The following SUGCT variants were observed in gnomAD, a reference collection of about 807,000 sequenced individuals.
SUGCT encodes succinyl-CoA:glutarate CoA-transferase.
Under a neutral mutation model 55.0 loss-of-function variants are expected in SUGCT, and 41 were observed. The observed-to-expected ratio is 0.74, with a 90% CI of 0.58 to 0.97. SUGCT has a LOEUF of 0.97. Ranked by LOEUF, SUGCT falls within the 50% of genes least tolerant of loss-of-function variation. The pLI, the probability that SUGCT is intolerant of heterozygous loss-of-function variation, is 0.00. For synonymous variants in SUGCT, 187 were observed against 200.4 expected (o/e 0.93, Z 0.56); for missense variants, 568 against 547.8 (o/e 1.04, Z -0.37).
chr7:40,375,643 A>G (rs888234994), intron 9 of SUGCT, among the ~76,000 whole-genome samples: 8 of 152,184 alleles, frequency 5.3e-5, no homozygotes, highest in African/African-American at 1.9e-4. Context: ...ACCCTATCTA[A>G]AAAGAAGTTC....
chr7:40,775,750 GTA>G (rs1789416144), intron 13 of SUGCT: 1 of 152,184 alleles, frequency 6.6e-6, no homozygotes, highest in Admixed American at 6.5e-5. Flanking sequence ...TTCCGTGGAA[GTA>G]TATGTAAGTC....
intron 9 of SUGCT, among the ~76,000 whole-genome samples, chr7:40,381,441 T>G (rs1784864391): frequency 7.0e-6 from 1 of 141,964 alleles, no homozygotes; most frequent in African/African-American, 2.6e-5. Context: ...GAAACTTTTA[T>G]AATTTTATGT....
At chr7:40,137,244 C>CA (rs1787747526) in intron 1 of SUGCT, among the ~76,000 whole-genome samples, 1 of 152,138 alleles carries the variant, frequency 6.6e-6, no homozygotes, top group East Asian at 1.9e-4. Flanking sequence ...CTTCCCACGT[C>CA]AGTCTCCCAA....
At chr7:40,205,239 A>G (rs1786896770) in intron 6 of SUGCT, among the ~76,000 whole-genome samples, 1 of 152,156 alleles carries the variant, frequency 6.6e-6, no homozygotes, top group Admixed American at 6.6e-5. Context: ...TGGGCGACAG[A>G]GCAAGACTCT....
At chr7:40,227,255 G>A (rs1039076565) in intron 6 of SUGCT, among the ~76,000 whole-genome samples, 6 of 151,762 alleles carry the variant, frequency 4.0e-5, no homozygotes, top group Non-Finnish European at 8.8e-5. Flanking sequence ...CACCATGTTG[G>A]CCAGGCTGGT....
At chr7:40,445,678 G>C (rs1788791453) in intron 9 of SUGCT, among the ~76,000 whole-genome samples, 1 of 152,022 alleles carries the variant, frequency 6.6e-6, no homozygotes, top group Non-Finnish European at 1.5e-5. Context: ...ACCAAAGCTT[G>C]GCAGAGACAC....
chr7:40,632,033 A>T (rs1202553044), intron 12 of SUGCT, among the ~76,000 whole-genome samples: 1 of 152,102 alleles, frequency 6.6e-6, no homozygotes, highest in Admixed American at 6.6e-5. Flanking sequence ...CTTCTCCTGG[A>T]ATGCTAGCGC....
intron 9 of SUGCT, among the ~76,000 whole-genome samples, chr7:40,347,242 C>T (rs1293277070): frequency 6.6e-6 from 1 of 152,168 alleles, no homozygotes; most frequent in Non-Finnish European, 1.5e-5. Flanking sequence ...TTAGAGAATA[C>T]ATAGATAATC....
At chr7:40,751,993 C>T (rs988765409) in intron 13 of SUGCT, among the ~76,000 whole-genome samples, 1 of 152,120 alleles carries the variant, frequency 6.6e-6, no homozygotes, top group East Asian at 1.9e-4. Flanking sequence ...ATTTCTTTTG[C>T]CCACTTTAAT....
chr7:40,739,111 G>C (rs1210550141), intron 12 of SUGCT, among the ~76,000 whole-genome samples: 1 of 152,080 alleles, frequency 6.6e-6, no homozygotes, highest in Admixed American at 6.6e-5. Context: ...GTTCCCCAAT[G>C]GTAACTTCTT....
At chr7:41,031,791 CT>C in the SUGCT span, among the ~76,000 whole-genome samples, 2 of 152,318 alleles carry the variant, frequency 1.3e-5, no homozygotes, top group Non-Finnish European at 2.9e-5. Flanking sequence ...TCCCTAACCC[CT>C]AATGGGCTGC....
At chr7:40,655,079 A>C (rs1800953170) in intron 12 of SUGCT, among the ~76,000 whole-genome samples, 2 of 152,108 alleles carry the variant, frequency 1.3e-5, no homozygotes, top group Non-Finnish European at 2.9e-5. Flanking sequence ...GCATCATTTG[A>C]GCTCTGAAGT....
chr7:40,571,445 A>G (rs567298334), intron 12 of SUGCT, among the ~76,000 whole-genome samples: 1 of 152,162 alleles, frequency 6.6e-6, no homozygotes, highest in African/African-American at 2.4e-5. Context: ...ATCATTTCTA[A>G]ATTTGGTAAA....
intron 12 of SUGCT, among the ~76,000 whole-genome samples, chr7:40,739,460 A>G (rs1237832761): frequency 3.3e-5 from 5 of 152,306 alleles, no homozygotes; most frequent in Middle Eastern, 3.4e-3. Flanking sequence ...GTATTCCATA[A>G]TATGGATGTA....
At chr7:40,354,371 CA>C (rs1797788576) in intron 9 of SUGCT, among the ~76,000 whole-genome samples, 1 of 151,986 alleles carries the variant, frequency 6.6e-6, no homozygotes, top group Non-Finnish European at 1.5e-5. Flanking sequence ...GCCATACAGC[CA>C]AAGGGACAAG....
chr7:40,218,279 A>G (rs1787789674), intron 6 of SUGCT, among the ~76,000 whole-genome samples: 1 of 152,176 alleles, frequency 6.6e-6, no homozygotes, highest in Admixed American at 6.5e-5. Context: ...CAAAATTATT[A>G]TTTGCTCATT....
At chr7:40,216,498 CAAAAAAAAAAAAAA>C (rs1022915051) in intron 6 of SUGCT, among the ~76,000 whole-genome samples, 4 of 50,422 alleles carry the variant, frequency 7.9e-5, no homozygotes, top group Non-Finnish European at 4.3e-5. Context: ...GACTCCGTCT[CAAAAAAAAAAAAAA>C]AAAAAAAAAG....
the SUGCT span, among the ~76,000 whole-genome samples, chr7:40,877,372 C>T: frequency 6.7e-4 from 102 of 152,178 alleles, 1 homozygote; most frequent in Non-Finnish European, 1.3e-3. Context: ...GGGTTCTATA[C>T]ATTTTGATAG....
At chr7:40,657,130 G>T (rs1036126475) in intron 12 of SUGCT, among the ~76,000 whole-genome samples, 1 of 152,038 alleles carries the variant, frequency 6.6e-6, no homozygotes, top group Non-Finnish European at 1.5e-5. Context: ...TACATTAGGG[G>T]TTACATGATT....
Sources: allele counts gnomAD v4.1 joint callset (sites outside exome capture counted in the v4.1 genomes callset), GRCh38; gene constraint gnomAD v4.1.1; transcripts MANE v1.5; gene names NCBI Gene and HGNC (gene_info 2026-07-23, HGNC 2026-07-21).